MACROD2: variants seen among roughly 807,000 people sequenced by gnomAD.
MACROD2 encodes the protein mono-ADP ribosylhydrolase 2, also known as ADP-ribose glycohydrolase MACROD2.
A neutral mutation model predicts 70.4 loss-of-function variants in MACROD2; 36 were observed. The observed-to-expected ratio is 0.51, with a 90% CI of 0.39 to 0.68. The LOEUF (loss-of-function observed/expected upper bound fraction) is 0.68, where lower values mean the gene tolerates loss of function less well. Among genes scored for constraint, MACROD2 ranks in the 30% least tolerant of loss-of-function variants. MACROD2 has a pLI of 0.00. For missense variants in MACROD2, 496 were observed against 538.4 expected (o/e 0.92, Z 0.78); for synonymous variants, 172 against 178.8 (o/e 0.96, Z 0.30).
At chr20:14,535,646 G>A (rs569236679) in intron 4 of MACROD2, among the ~76,000 whole-genome samples, 2 of 152,000 alleles carry the variant, frequency 1.3e-5, no homozygotes, top group South Asian at 2.1e-4. Context: ...TAGTGAAGAA[G>A]AAGAAACAGG....
At chr20:15,612,080 A>G (rs576227028) in intron 8 of MACROD2, among the ~76,000 whole-genome samples, 1 of 150,914 alleles carries the variant, frequency 6.6e-6, no homozygotes, top group South Asian at 2.2e-4. Flanking sequence ...ATTTTGAGAA[A>G]GAAGCAGATA....
intron 5 of MACROD2, among the ~76,000 whole-genome samples, chr20:14,907,057 A>G (rs546536027): frequency 1.5e-4 from 23 of 152,326 alleles, no homozygotes; most frequent in African/African-American, 5.1e-4. Flanking sequence ...AAACAGGACC[A>G]GAGTGGAAGA....
intron 5 of MACROD2, among the ~76,000 whole-genome samples, chr20:15,155,820 A>G (rs886414175): frequency 6.6e-6 from 1 of 151,406 alleles, no homozygotes; most frequent in Non-Finnish European, 1.5e-5. Flanking sequence ...CTCTGTATTT[A>G]TATCTAGCAT....
At chr20:15,989,497 A>T (rs1053728861) in intron 15 of MACROD2, among the ~76,000 whole-genome samples, 5 of 152,238 alleles carry the variant, frequency 3.3e-5, no homozygotes, top group African/African-American at 1.2e-4. Flanking sequence ...AAACACAACC[A>T]TAACTTCTAT....
intron 8 of MACROD2, among the ~76,000 whole-genome samples, chr20:15,633,788 G>T (rs559215487): frequency 6.6e-6 from 1 of 152,178 alleles, no homozygotes; most frequent in African/African-American, 2.4e-5. Context: ...GCTTTGTGTA[G>T]CAAACTACAA....
At chr20:14,337,917 T>G (rs2082967701) in intron 3 of MACROD2, among the ~76,000 whole-genome samples, 2 of 152,206 alleles carry the variant, frequency 1.3e-5, no homozygotes, top group South Asian at 4.1e-4. Context: ...TAGAAAGATA[T>G]TTTTAAGATC....
chr20:15,048,381 C>G (rs746604090), intron 5 of MACROD2, among the ~76,000 whole-genome samples: 53 of 152,096 alleles, frequency 3.5e-4, no homozygotes, highest in Non-Finnish European at 6.5e-4. Flanking sequence ...CTGACAGATA[C>G]ACTTGGTGTG....
intron 3 of MACROD2, among the ~76,000 whole-genome samples, chr20:14,161,551 A>G (rs2055188942): frequency 6.7e-6 from 1 of 149,340 alleles, no homozygotes; most frequent in South Asian, 2.1e-4. Context: ...TTCTTTTTCC[A>G]ATCAGTTGTT....
intron 3 of MACROD2, among the ~76,000 whole-genome samples, chr20:14,257,073 A>G (rs2082062206): frequency 6.6e-6 from 1 of 152,188 alleles, no homozygotes; most frequent in South Asian, 2.1e-4. Flanking sequence ...TTTGTCACCA[A>G]AAACAAAATA....
intron 5 of MACROD2, among the ~76,000 whole-genome samples, chr20:15,115,388 C>A (rs570218970): frequency 4.6e-5 from 7 of 152,180 alleles, no homozygotes; most frequent in Admixed American, 4.6e-4. Flanking sequence ...CACCACCATG[C>A]CCAGCTAATT....
chr20:15,964,184 T>C (rs2066105030), intron 12 of MACROD2, among the ~76,000 whole-genome samples: 1 of 152,222 alleles, frequency 6.6e-6, no homozygotes, highest in African/African-American at 2.4e-5. Flanking sequence ...TTATAGAACT[T>C]ACATGGAAAT....
intron 8 of MACROD2, among the ~76,000 whole-genome samples, chr20:15,645,129 GTC>G (rs2049521465): frequency 6.6e-6 from 1 of 152,130 alleles, no homozygotes; most frequent in South Asian, 2.1e-4. Flanking sequence ...ATAAATGATT[GTC>G]TCTGAGCTGA....
intron 12 of MACROD2, among the ~76,000 whole-genome samples, chr20:15,944,973 T>A (rs1568658791): frequency 1.3e-5 from 2 of 152,142 alleles, no homozygotes; most frequent in African/African-American, 4.8e-5. Flanking sequence ...GAGAGTAAAA[T>A]ACATGGACTA....
chr20:15,159,246 T>C (rs933503413), intron 5 of MACROD2, among the ~76,000 whole-genome samples: 1 of 152,152 alleles, frequency 6.6e-6, no homozygotes, highest in African/African-American at 2.4e-5. Flanking sequence ...TTTTGTTGTA[T>C]AACGAAAGTA....
chr20:15,011,883 A>G (rs1424633067), intron 5 of MACROD2, among the ~76,000 whole-genome samples: 1 of 152,102 alleles, frequency 6.6e-6, no homozygotes, highest in Admixed American at 6.5e-5. Flanking sequence ...TTATGAATGA[A>G]GATGCATTGA....
chr20:14,076,597 T>G (rs1053879294), intron 2 of MACROD2, among the ~76,000 whole-genome samples: 10 of 152,170 alleles, frequency 6.6e-5, no homozygotes, highest in African/African-American at 1.9e-4. Context: ...GAGGAACGCT[T>G]GAGCCCGGGA....
chr20:14,640,518 G>A (rs1442426525), intron 4 of MACROD2, among the ~76,000 whole-genome samples: 1 of 152,088 alleles, frequency 6.6e-6, no homozygotes, highest in African/African-American at 2.4e-5. Context: ...GAGACAGGTG[G>A]CAAGGTCAAA....
intron 17 of MACROD2, among the ~76,000 whole-genome samples, chr20:16,047,299 A>G (rs1195183655): frequency 6.6e-6 from 1 of 152,242 alleles, no homozygotes; most frequent in Non-Finnish European, 1.5e-5. Flanking sequence ...GCTCAAAGAC[A>G]TAATACAAGA....
chr20:16,015,122 T>A (rs575200025), intron 15 of MACROD2, among the ~76,000 whole-genome samples: 5 of 152,350 alleles, frequency 3.3e-5, no homozygotes, highest in African/African-American at 1.2e-4. Flanking sequence ...AGGAATCACC[T>A]GTTTATATGT....
Sources: allele counts gnomAD v4.1 joint callset (sites outside exome capture counted in the v4.1 genomes callset), GRCh38; gene constraint gnomAD v4.1.1; transcripts MANE v1.5; gene names NCBI Gene and HGNC (gene_info 2026-07-23, HGNC 2026-07-21).